TMBIM1: variants seen among roughly 807,000 people sequenced by gnomAD.
The protein encoded by TMBIM1 is protein lifeguard 3.
A neutral mutation model predicts 45.1 loss-of-function variants in TMBIM1; 34 were observed. The ratio of observed to expected loss-of-function variants is 0.75; its 90% CI spans 0.57 to 1.00. The LOEUF (loss-of-function observed/expected upper bound fraction) is 1.00, where lower values mean the gene tolerates loss of function less well. Ranked by LOEUF, TMBIM1 falls within the 50% of genes least tolerant of loss-of-function variation. The pLI is 0.00. For synonymous variants in TMBIM1, 157 were observed against 153.5 expected, an observed-to-expected ratio of 1.02 and a Z score of -0.17; for missense variants, 374 against 402.4, an observed-to-expected ratio of 0.93 and a Z score of 0.60.
chr2:218,278,166 C>A lies in TMBIM1; in HGVS notation c.474-192G>T, dbSNP rs111775432. ...GACAACATGGGCCAATGAGACAGAC[C>A]TGTGTTGTGGCGCCAGAAACACCTG... On this transcript the variant is annotated intron_variant, in intron 6 of 11. Transcript: ENST00000258412. 519 of 641,014 alleles carry A rather than the reference C, an allele frequency of 8.1e-4. 6 individuals are homozygous for A. The African/African-American group carries it at 8.1e-3, about 10-fold the overall frequency. 39.7% of individuals were successfully genotyped at this position (641,014 alleles called of 1,614,324 possible).
intron 1 of TMBIM1, among the ~76,000 whole-genome samples, chr2:218,282,713 CA>C (rs1467521878): frequency 2.0e-5 from 3 of 152,184 alleles, no homozygotes; most frequent in Non-Finnish European, 2.9e-5. Flanking sequence ...TGGAGGAAAA[CA>C]AGCTAGCCCC....
chr2:218,288,018 C>G (rs1321965296), intron 1 of TMBIM1, among the ~76,000 whole-genome samples: 2 of 152,260 alleles, frequency 1.3e-5, no homozygotes, highest in African/African-American at 4.8e-5. Flanking sequence ...TATAATACTT[C>G]TGAGCACAGT....
At chr2:218,278,494 T>C in intron 6 of TMBIM1, 21 bp downstream of exon 6, 1 of 1,613,328 alleles carries the variant, frequency 6.2e-7, no homozygotes, top group Non-Finnish European at 8.5e-7. Flanking sequence ...CCTCTCACTG[T>C]GTTAAGTCTC....
Position 218,279,356 on chromosome 2 carries a change from G to A in TMBIM1, c.304-3C>T, listed in dbSNP as rs112762478. On this transcript the variant is annotated splice_region_variant and splice_polypyrimidine_tract_variant and intron_variant, in intron 3 of 11. Coordinates refer to ENST00000258412, the MANE Select transcript of TMBIM1 (RefSeq NM_022152.6). ...TGCACGGAGATGATGGAGTAAACCT[G>A]GACACAGACGGCCGGGCATGGGTCA... is the stretch of plus-strand genomic sequence containing the variant. 6.4e-7 allele frequency: 1 copy of A among 1,566,406 alleles called. No individual in the cohort carries two copies. The highest frequency in any genetic ancestry group is 8.6e-7 in the Non-Finnish European group (1 of 1,157,148).
intron 1 of TMBIM1, among the ~76,000 whole-genome samples, chr2:218,289,498 C>T (rs1365301816): frequency 1.3e-5 from 2 of 151,738 alleles, no homozygotes; most frequent in South Asian, 2.1e-4. Flanking sequence ...AAAAATTAGC[C>T]GGGCATGGTG....
chr2:218,275,514 G>T lies in TMBIM1; in HGVS notation c.897C>A (p.Ile299=). The change falls in exon 12 of 12, where the codon ATC becomes ATA. Residue 299 remains isoleucine (I), a synonymous_variant. Coordinates refer to ENST00000258412, the MANE Select transcript of TMBIM1 (RefSeq NM_022152.6). ...ALQIYTDIIY[I]FTFVLQLMGD... Reference sequence around the variant, plus strand: ...CCATCAGCTGCAGCACAAAGGTGAAGATGTAGATGATGTCTGTGTAAATCT... The same window carrying T: ...CCATCAGCTGCAGCACAAAGGTGAATATGTAGATGATGTCTGTGTAAATCT... 1 of 1,614,160 alleles carries T rather than the reference G, an allele frequency of 6.2e-7. No individual in the cohort carries two copies. The highest frequency in any genetic ancestry group is 8.5e-7 in the Non-Finnish European group (1 of 1,180,006).
chr2:218,280,034 TAA>T lies in TMBIM1; in HGVS notation c.293_294del (p.Phe98TyrfsTer140). 6.2e-7 allele frequency: 1 copy of T among 1,613,914 alleles called. No individual in the cohort carries two copies. Among genetic ancestry groups the T allele is most frequent in the African/African-American group, 1.3e-5 (1 of 75,042 alleles). Reference protein sequence around the residue: ...EWDDRKVRHTFIRKVYSIISV... With the variant: ...EWDDRKVRHTXIRKVYSIISV... ...CCCAGCGCGTATCTTACCTTTCGGA[TAA>T]AAGTGTGTCGCACTTTCCGGTCATC... On this transcript the variant is annotated frameshift_variant, in exon 3 of 12. Coordinates refer to ENST00000258412, the MANE Select transcript of TMBIM1 (RefSeq NM_022152.6). LOFTEE classifies it high-confidence loss of function.
intron 1 of TMBIM1, chr2:218,284,197 G>A (rs1220364206): frequency 6.7e-6 from 1 of 150,258 alleles, no homozygotes; most frequent in African/African-American, 2.4e-5. Context: ...TGGCCGGAAA[G>A]GCTCTGTGGG....
chr2:218,281,885 CTGCTCCAAGTG>C, intron 2 of TMBIM1, 44 bp downstream of exon 2: 3 of 1,450,800 alleles, frequency 2.1e-6, no homozygotes, highest in Non-Finnish European at 2.8e-6. Context: ...GTGGCCTCAT[CTGCTCCAAGTG>C]CTGTCCCTCC....
intron 1 of TMBIM1, among the ~76,000 whole-genome samples, chr2:218,288,264 TA>T (rs1378350692): frequency 5.9e-5 from 9 of 151,924 alleles, no homozygotes; most frequent in Admixed American, 2.6e-4. Flanking sequence ...CCATCTCTAC[TA>T]AAAAATACAA....
At chr2:218,280,341 G>C (rs78376547) in intron 2 of TMBIM1, 19 of 505,890 alleles carry the variant, frequency 3.8e-5, no homozygotes, top group African/African-American at 2.7e-4. Context: ...CGTTCCTCAC[G>C]TGCATCTGTG....
intron 11 of TMBIM1, 92 bp from the exon 12 acceptor site, chr2:218,275,713 C>T: frequency 2.1e-6 from 3 of 1,461,488 alleles, no homozygotes; most frequent in Non-Finnish European, 2.8e-6. Context: ...GGCCTATGCG[C>T]CACACAGTGC....
chr2:218,278,379 C>T, intron 6 of TMBIM1, 136 bp downstream of exon 6: 1 of 879,798 alleles, frequency 1.1e-6, no homozygotes, highest in Non-Finnish European at 1.8e-6. Context: ...TGAACAGTAG[C>T]TGTCATCGTC....
At chr2:218,285,955 G>C (rs1225747092) in intron 1 of TMBIM1, 1 of 154,800 alleles carries the variant, frequency 6.5e-6, no homozygotes, top group Non-Finnish European at 1.5e-5. Flanking sequence ...AGCAGCAAAG[G>C]GGGAAAGGGT....
chr2:218,291,067 C>T (rs927607883), intron 1 of TMBIM1, among the ~76,000 whole-genome samples: 2 of 152,172 alleles, frequency 1.3e-5, no homozygotes, highest in Non-Finnish European at 1.5e-5. Flanking sequence ...AGGTAGACAG[C>T]GTCTGGCTGA....
intron 11 of TMBIM1, 21 bp downstream of exon 11, chr2:218,276,005 T>C (rs564115462): frequency 1.2e-6 from 2 of 1,607,374 alleles, no homozygotes; most frequent in South Asian, 2.2e-5. Flanking sequence ...CTCCCCTTCC[T>C]AGAGTGGGGC....
intron 6 of TMBIM1, chr2:218,278,309 G>A (rs988937991): frequency 3.4e-5 from 21 of 621,080 alleles, no homozygotes; most frequent in Non-Finnish European, 5.4e-5. Context: ...TGTCTTGCAG[G>A]GTTACTATAA....
Position 218,277,481 on chromosome 2 carries a change from G to A in TMBIM1, c.552-28C>T, listed in dbSNP as rs779359784. ...GGGGAGAAGCAGGAGTTACAGACAAGAGGCATTAAGCCACGTATGAATGAC... is the reference window on the plus strand; with the variant it reads ...GGGGAGAAGCAGGAGTTACAGACAAAAGGCATTAAGCCACGTATGAATGAC... On this transcript the variant is annotated intron_variant, in intron 8 of 11. Transcript: ENST00000258412. 187 of 1,612,594 alleles carry A rather than the reference G, an allele frequency of 1.2e-4. 5 individuals carry two copies. The South Asian group carries it at 2.0e-3, about 17-fold the overall frequency.
chr2:218,278,150 G>C, intron 6 of TMBIM1, 176 bp from the exon 7 acceptor site: 1 of 669,266 alleles, frequency 1.5e-6, no homozygotes, highest in East Asian at 2.7e-5. Flanking sequence ...GGACAACATG[G>C]GCCAATGAGA....
Sources: gnomAD v4.1 joint callset for allele counts (sites outside exome capture counted in the v4.1 genomes callset) on GRCh38, gnomAD v4.1.1 for gene constraint, MANE v1.5 for transcripts, NCBI Gene and HGNC (gene_info 2026-07-23, HGNC 2026-07-21) for gene names.